KIAA0825: variants seen among roughly 807,000 people sequenced by gnomAD.
KIAA0825 encodes KIAA0825, also known as uncharacterized protein KIAA0825.
Under a neutral mutation model 147.6 loss-of-function variants are expected in KIAA0825, and 119 were observed. The observed-to-expected ratio is 0.81, with a 90% CI of 0.69 to 0.94. KIAA0825 has a LOEUF of 0.94. Ranked by LOEUF, KIAA0825 falls within the 40% of genes least tolerant of loss-of-function variation. The probability of loss-of-function intolerance (pLI) is 0.00; values close to 1 mark genes in which losing one functional copy is unlikely to be tolerated. For missense variants in KIAA0825, 1,381 were observed against 1,472.7 expected (o/e 0.94, Z 1.02); for synonymous variants, 470 against 518.1 (o/e 0.91, Z 1.26).
chr5:94,390,620 G>T (rs977051436), intron 18 of KIAA0825, among the ~76,000 whole-genome samples: 11 of 152,038 alleles, frequency 7.2e-5, no homozygotes, highest in African/African-American at 2.7e-4. Context: ...CCTGTTTATC[G>T]ACTGTTTGAT....
chr5:94,281,246 T>TACACAC (rs1323640273), intron 20 of KIAA0825, among the ~76,000 whole-genome samples: 1 of 124,326 alleles, frequency 8.0e-6, no homozygotes, highest in East Asian at 2.9e-4. Flanking sequence ...CACACACACT[T>TACACAC]GCCATACCCA....
intron 20 of KIAA0825, among the ~76,000 whole-genome samples, chr5:94,273,590 T>C (rs1777086739): frequency 6.6e-6 from 1 of 152,124 alleles, no homozygotes; most frequent in Admixed American, 6.6e-5. Context: ...GTGTCCCAAA[T>C]AGAATAGTTA....
intron 17 of KIAA0825, among the ~76,000 whole-genome samples, chr5:94,392,416 T>C (rs1412446798): frequency 1.3e-5 from 2 of 152,234 alleles, no homozygotes; most frequent in East Asian, 1.9e-4. Flanking sequence ...ATGATCTATA[T>C]ACATATTGTT....
intron 3 of KIAA0825, among the ~76,000 whole-genome samples, chr5:94,525,196 G>A (rs2151247163): frequency 6.6e-6 from 1 of 151,908 alleles, no homozygotes; most frequent in East Asian, 1.9e-4. Flanking sequence ...TTAGTGTTTT[G>A]AAAACGTAAC....
At chr5:94,578,922 T>C (rs1781554684) in intron 2 of KIAA0825, among the ~76,000 whole-genome samples, 1 of 152,126 alleles carries the variant, frequency 6.6e-6, no homozygotes, top group South Asian at 2.1e-4. Flanking sequence ...ACACTGCTTA[T>C]GTTTCTTTCT....
chr5:94,605,128 T>C (rs567881902), intron 1 of KIAA0825, among the ~76,000 whole-genome samples: 7 of 152,212 alleles, frequency 4.6e-5, no homozygotes, highest in African/African-American at 1.7e-4. Context: ...CAGAGAATAT[T>C]ATAAACACCT....
At chr5:94,392,346 A>C (rs1268142338) in intron 17 of KIAA0825, among the ~76,000 whole-genome samples, 1 of 152,228 alleles carries the variant, frequency 6.6e-6, no homozygotes, top group Non-Finnish European at 1.5e-5. Flanking sequence ...TCCAGAAAAA[A>C]AGTCTACTAA....
chr5:94,215,810 C>G (rs1360471280), intron 20 of KIAA0825, among the ~76,000 whole-genome samples: 1 of 152,100 alleles, frequency 6.6e-6, no homozygotes, highest in Non-Finnish European at 1.5e-5. Flanking sequence ...GCCCTCTCCT[C>G]TTAACACTAC....
intron 20 of KIAA0825, among the ~76,000 whole-genome samples, chr5:94,161,553 A>G (rs1767585415): frequency 1.3e-5 from 2 of 152,192 alleles, no homozygotes; most frequent in African/African-American, 4.8e-5. Context: ...TATTAGGTCA[A>G]TTTTGGTCAA....
At chr5:94,178,154 T>C (rs1054450641) in intron 20 of KIAA0825, among the ~76,000 whole-genome samples, 14 of 152,064 alleles carry the variant, frequency 9.2e-5, no homozygotes, top group Non-Finnish European at 1.8e-4. Flanking sequence ...TTTGGTATTT[T>C]TCTAGTATTC....
At chr5:94,227,259 A>C (rs1320269393) in intron 20 of KIAA0825, among the ~76,000 whole-genome samples, 2 of 152,120 alleles carry the variant, frequency 1.3e-5, no homozygotes, top group Non-Finnish European at 2.9e-5. Flanking sequence ...GACATGGATG[A>C]AATTGGAAAT....
At chr5:94,334,112 T>C (rs1781553442) in intron 20 of KIAA0825, among the ~76,000 whole-genome samples, 1 of 152,218 alleles carries the variant, frequency 6.6e-6, no homozygotes, top group Non-Finnish European at 1.5e-5. Flanking sequence ...CTTAACCTGA[T>C]AAAGTGCATC....
At chr5:94,574,245 A>C (rs907769789) in intron 2 of KIAA0825, among the ~76,000 whole-genome samples, 3 of 152,054 alleles carry the variant, frequency 2.0e-5, no homozygotes, top group Admixed American at 6.6e-5. Flanking sequence ...AACGATCCAC[A>C]ACTAGTAAAG....
At chr5:94,469,902 C>A in intron 10 of KIAA0825, 59 bp downstream of exon 10, 1 of 1,353,434 alleles carries the variant, frequency 7.4e-7, no homozygotes. Flanking sequence ...AGCCAGAAAG[C>A]AGGTACGCAG....
At chr5:94,412,323 T>C (rs911902953) in intron 15 of KIAA0825, among the ~76,000 whole-genome samples, 1 of 152,192 alleles carries the variant, frequency 6.6e-6, no homozygotes, top group African/African-American at 2.4e-5. Flanking sequence ...GACAAGAATA[T>C]GGAGCAAACA....
chr5:94,449,583 A>C (rs1758137597), intron 13 of KIAA0825, among the ~76,000 whole-genome samples: 1 of 152,174 alleles, frequency 6.6e-6, no homozygotes. Flanking sequence ...AAGAAGGGAA[A>C]GAAGGATCAT....
At chr5:94,514,624 AAT>A (rs1381400283) in intron 5 of KIAA0825, among the ~76,000 whole-genome samples, 18 of 152,198 alleles carry the variant, frequency 1.2e-4, no homozygotes, top group Non-Finnish European at 4.4e-5. Context: ...GTATCTATAA[AAT>A]AGGGACAATA....
At chr5:94,220,159 TA>T (rs1773557184) in intron 20 of KIAA0825, among the ~76,000 whole-genome samples, 1 of 152,214 alleles carries the variant, frequency 6.6e-6, no homozygotes, top group South Asian at 2.1e-4. Context: ...TTTTTTTTGT[TA>T]AAAACTAAGA....
At position 94,332,475 on chromosome 5, in the gene KIAA0825, G is replaced by A. The variant is rs1466084264; in HGVS notation, c.3710+51893C>T. On this transcript the variant is annotated intron_variant, in intron 20 of 20. Coordinates refer to ENST00000682413, the MANE Select transcript of KIAA0825 (RefSeq NM_001145678.3). ...CCACTTATGAGCGAGAAAATGCGGT[G>A]TTTGGTTTTCTGTTCCTGTGTTAGT... Among the ~76,000 whole-genome samples the A allele has an allele frequency of 3.9e-5, 6 of 152,092 alleles. No homozygotes were observed. The East Asian group carries it at 1.2e-3, about 29-fold the overall frequency.
Sources: gnomAD v4.1 joint callset for allele counts (sites outside exome capture counted in the v4.1 genomes callset) on GRCh38, gnomAD v4.1.1 for gene constraint, MANE v1.5 for transcripts, NCBI Gene and HGNC (gene_info 2026-07-23, HGNC 2026-07-21) for gene names.